The following NIPBL variants were observed in gnomAD, a reference collection of about 807,000 sequenced individuals.
The protein encoded by NIPBL is NIPBL cohesin loading factor.
Under a neutral mutation model 321.8 loss-of-function variants are expected in NIPBL, and 19 were observed. The ratio of observed to expected loss-of-function variants is 0.06; its 90% confidence interval spans 0.04 to 0.09. The LOEUF is 0.09. Among genes scored for constraint, NIPBL ranks in the 10% least tolerant of loss-of-function variants. The probability of loss-of-function intolerance (pLI) is 1.00; values close to 1 mark genes in which losing one functional copy is unlikely to be tolerated. For synonymous variants in NIPBL, 1,106 were observed against 1,114.1 expected (o/e 0.99, Z 0.14); for missense variants, 2,210 against 3,327.0 (o/e 0.66, Z 8.26).
At chr5:36,986,633 C>G (rs988377264) in intron 10 of NIPBL, among the ~76,000 whole-genome samples, 7 of 152,108 alleles carry the variant, frequency 4.6e-5, no homozygotes, top group African/African-American at 1.7e-4. Flanking sequence ...AAATAGCTGT[C>G]TTTAAAAACT....
chr5:37,002,383 C>T (rs1490003800), intron 14 of NIPBL, among the ~76,000 whole-genome samples: 2 of 152,200 alleles, frequency 1.3e-5, no homozygotes, highest in African/African-American at 4.8e-5. Context: ...CCATTCAGGT[C>T]AGCCTCCTGA....
chr5:36,984,966 C>T lies in NIPBL; in HGVS notation c.1786C>T (p.His596Tyr), dbSNP rs1318042690. 4 of 1,613,644 alleles carry T rather than the reference C, an allele frequency of 2.5e-6. No individual in the cohort carries two copies. The highest frequency in any genetic ancestry group is 3.4e-6 in the Non-Finnish European group (4 of 1,179,932). Residue 596 changes from histidine (H) to tyrosine (Y), a missense_variant, in exon 10 of 47, where the codon CAT becomes TAT. Coordinates refer to ENST00000282516, the MANE Select transcript of NIPBL (RefSeq NM_133433.4). ...VGSLKSTPENHPETPKKKSDP... is the reference protein window; with the variant it reads ...VGSLKSTPENYPETPKKKSDP... The stretch of plus-strand genomic sequence containing the variant: ...AAGTCTTAAATCTACACCAGAAAAC[C>T]ATCCTGAGACACCTAAAAAAAAGTC...
chr5:36,929,748 T>A (rs1334219135), intron 1 of NIPBL, among the ~76,000 whole-genome samples: 2 of 152,116 alleles, frequency 1.3e-5, no homozygotes, highest in Non-Finnish European at 2.9e-5. Flanking sequence ...TGAATTAATT[T>A]TTGTGTATGG....
intron 32 of NIPBL, among the ~76,000 whole-genome samples, chr5:37,034,704 CAAG>C (rs1237274674): frequency 1.3e-5 from 2 of 151,958 alleles, no homozygotes; most frequent in African/African-American, 2.4e-5. Flanking sequence ...TTTTTAAAAA[CAAG>C]GAGATGGTAA....
chr5:37,038,130 C>T (rs12654646), intron 33 of NIPBL, among the ~76,000 whole-genome samples: 15,700 of 151,950 alleles, frequency 0.1, 1,096 homozygotes, highest in East Asian at 0.27. Flanking sequence ...ACTGAGACTA[C>T]AAGTGCACAT....
chr5:37,010,715 A>G (rs1047572845), intron 21 of NIPBL, among the ~76,000 whole-genome samples: 3 of 152,206 alleles, frequency 2.0e-5, no homozygotes, highest in African/African-American at 7.2e-5. Flanking sequence ...TCTATCAGTC[A>G]TAAAACATAT....
intron 1 of NIPBL, among the ~76,000 whole-genome samples, chr5:36,938,104 C>A (rs958955270): frequency 6.6e-6 from 1 of 152,090 alleles, no homozygotes. Flanking sequence ...ATAGGACTTA[C>A]TTTGGTTTTA....
rs1163179336 is a variant in NIPBL, at chr5:37,041,252, G to GTTTTTTTTTTTTTTTTTT, written c.6108+2526_6108+2543dup. Among the ~76,000 whole-genome samples the GTTTTTTTTTTTTTTTTTT allele has an allele frequency of 9.4e-5, 6 of 64,006 alleles. 2 individuals are homozygous for GTTTTTTTTTTTTTTTTTT. The highest frequency in any genetic ancestry group is 5.5e-4 in the African/African-American group (6 of 10,908). 42.0% of individuals were successfully genotyped at this position (64,006 alleles called of 152,430 possible). ...GCTACTTTTTTGTTGTTATGTGGTGGTTTTTTTTTTTTTTTTTTTTTTTTT... is the reference window on the plus strand; with the variant it reads ...GCTACTTTTTTGTTGTTATGTGGTGGTTTTTTTTTTTTTTTTTTTTTTTTTTTTTTTTTTTTTTTTTTT... On this transcript the variant is annotated intron_variant, in intron 34 of 46. Transcript: ENST00000282516.
intron 16 of NIPBL, among the ~76,000 whole-genome samples, chr5:37,004,411 T>C (rs1043545871): frequency 2.0e-5 from 3 of 151,890 alleles, no homozygotes; most frequent in South Asian, 2.1e-4. Context: ...TTTTTTTTTT[T>C]CTCCCCTGAT....
intron 1 of NIPBL, among the ~76,000 whole-genome samples, chr5:36,944,345 T>C (rs536106451): frequency 2.0e-4 from 30 of 152,248 alleles, no homozygotes; most frequent in African/African-American, 7.0e-4. Context: ...GTATACCTTT[T>C]CTTGATTGCT....
At chr5:36,927,506 G>A (rs1749452855) in intron 1 of NIPBL, among the ~76,000 whole-genome samples, 1 of 152,106 alleles carries the variant, frequency 6.6e-6, no homozygotes, top group African/African-American at 2.4e-5. Context: ...TGGGAAGGGA[G>A]CATGGTGGCT....
chr5:36,918,349 G>A (rs1748642657), intron 1 of NIPBL, among the ~76,000 whole-genome samples: 1 of 152,114 alleles, frequency 6.6e-6, no homozygotes, highest in Admixed American at 6.5e-5. Context: ...GTTTAAGAAT[G>A]CTTGTGATTT....
intron 1 of NIPBL, among the ~76,000 whole-genome samples, chr5:36,936,090 G>C (rs1470878394): frequency 6.6e-6 from 1 of 152,076 alleles, no homozygotes; most frequent in Non-Finnish European, 1.5e-5. Flanking sequence ...AAACTATTCA[G>C]TAATTGCATA....
intron 1 of NIPBL, among the ~76,000 whole-genome samples, chr5:36,902,401 TCA>T (rs1465974796): frequency 1.3e-5 from 2 of 152,196 alleles, no homozygotes; most frequent in Non-Finnish European, 2.9e-5. Flanking sequence ...ATTTTACATT[TCA>T]GTCTTTAATC....
chr5:36,947,854 T>C (rs904153375), intron 1 of NIPBL, among the ~76,000 whole-genome samples: 3 of 150,786 alleles, frequency 2.0e-5, no homozygotes, highest in African/African-American at 7.4e-5. Flanking sequence ...AATAATGTTC[T>C]TTTTTTTCAT....
At chr5:36,954,234 A>T (rs1740701494) in intron 2 of NIPBL, among the ~76,000 whole-genome samples, 1 of 152,214 alleles carries the variant, frequency 6.6e-6, no homozygotes, top group South Asian at 2.1e-4. Context: ...AGGATGGCAT[A>T]CTTTTCTTTG....
At position 37,043,095 on chromosome 5, in the gene NIPBL, T is replaced by G. The variant is rs541172332; in HGVS notation, c.6109-1252T>G. 9.2e-5 allele frequency among the ~76,000 whole-genome samples: 14 copies of G among 152,024 alleles called. No individual in the cohort carries two copies. The South Asian group carries it at 2.9e-3, about 32-fold the overall frequency. ...AATCAAAGAAATAACACATTTAAAT[T>G]TAAAATAAAGAAGTCCTAGGCTGAG... On this transcript the variant is annotated intron_variant, in intron 34 of 46. Transcript: ENST00000282516.
At chr5:37,051,562 A>G (rs1753547231) in intron 40 of NIPBL, 1 of 571,264 alleles carries the variant, frequency 1.8e-6, no homozygotes, top group South Asian at 2.4e-5. Flanking sequence ...TTTAAATTTT[A>G]TCACGTCAGT....
chr5:37,036,154 T>C (rs1751657613), intron 32 of NIPBL, among the ~76,000 whole-genome samples: 1 of 151,850 alleles, frequency 6.6e-6, no homozygotes, highest in African/African-American at 2.4e-5. Flanking sequence ...TTTGAAAGTA[T>C]TGGTAAATTA....
Sources: allele counts gnomAD v4.1 joint callset (sites outside exome capture counted in the v4.1 genomes callset), GRCh38; gene constraint gnomAD v4.1.1; transcripts MANE v1.5; gene names NCBI Gene and HGNC (gene_info 2026-07-23, HGNC 2026-07-21).